NOX4: variants seen among roughly 807,000 people sequenced by gnomAD.
NOX4 encodes kidney oxidase-1.
A neutral mutation model predicts 87.6 loss-of-function variants in NOX4; 69 were observed. The ratio of observed to expected loss-of-function variants is 0.79; its 90% CI spans 0.65 to 0.96. NOX4 has a LOEUF of 0.96. NOX4 is among the 40% of genes least tolerant of loss of function. The pLI, the probability that NOX4 is intolerant of heterozygous loss-of-function variation, is 0.00. For missense variants in NOX4, 680 were observed against 681.5 expected (o/e 1.00, Z 0.02); for synonymous variants, 275 against 238.2 (o/e 1.15, Z -1.42).
chr11:89,489,722 T>C (rs568555377), intron 2 of NOX4, among the ~76,000 whole-genome samples: 66 of 100,544 alleles, frequency 6.6e-4, no homozygotes, highest in African/African-American at 1.9e-3. Flanking sequence ...AGCAAGACTC[T>C]GTCTCAAAAA....
intron 1 of NOX4, among the ~76,000 whole-genome samples, chr11:89,497,435 A>G (rs1946969575): frequency 6.6e-6 from 1 of 152,164 alleles, no homozygotes; most frequent in Non-Finnish European, 1.5e-5. Context: ...ATATATTAAG[A>G]AAATCTTAAA....
chr11:89,428,568 G>A (rs896748882), intron 7 of NOX4, among the ~76,000 whole-genome samples: 1 of 151,920 alleles, frequency 6.6e-6, no homozygotes, highest in African/African-American at 2.4e-5. Context: ...TGCAATCCTA[G>A]TCTCTGATAA....
intron 2 of NOX4, among the ~76,000 whole-genome samples, chr11:89,454,779 A>T (rs1945115941): frequency 6.6e-6 from 1 of 152,156 alleles, no homozygotes; most frequent in Non-Finnish European, 1.5e-5. Flanking sequence ...TCCAATACAG[A>T]ACAGTCGCCA....
At chr11:89,564,411 C>T in the NOX4 span, among the ~76,000 whole-genome samples, 1 of 152,070 alleles carries the variant, frequency 6.6e-6, no homozygotes, top group African/African-American at 2.4e-5. Flanking sequence ...TACTGTCTTC[C>T]CATCTCATGC....
intron 1 of NOX4, 105 bp downstream of exon 1, chr11:89,491,085 G>C (rs1946832669): frequency 1.7e-6 from 2 of 1,148,306 alleles, no homozygotes; most frequent in Non-Finnish European, 2.6e-6. Context: ...TTCGAATTAA[G>C]ACAAAACTTC....
chr11:89,375,763 G>A (rs549324969), intron 11 of NOX4, among the ~76,000 whole-genome samples: 6 of 152,254 alleles, frequency 3.9e-5, no homozygotes, highest in Non-Finnish European at 7.4e-5. Context: ...CTCTCAGAAC[G>A]CAAGATACCC....
At chr11:89,383,350 T>C (rs2135103612) in intron 11 of NOX4, among the ~76,000 whole-genome samples, 1 of 152,256 alleles carries the variant, frequency 6.6e-6, no homozygotes, top group East Asian at 1.9e-4. Flanking sequence ...CCGTTGGAAA[T>C]CAAACTGTCC....
chr11:89,380,732 T>C, intron 11 of NOX4, among the ~76,000 whole-genome samples: 1 of 152,172 alleles, frequency 6.6e-6, no homozygotes, highest in Admixed American at 6.5e-5. Flanking sequence ...TAGATGATGT[T>C]TACATCTCAA....
intron 12 of NOX4, among the ~76,000 whole-genome samples, chr11:89,358,002 T>A (rs1938202705): frequency 6.6e-6 from 1 of 152,096 alleles, no homozygotes; most frequent in South Asian, 2.1e-4. Flanking sequence ...CTATAACTAA[T>A]GTTCCTATAT....
intron 2 of NOX4, among the ~76,000 whole-genome samples, chr11:89,457,951 A>G (rs772693409): frequency 6.6e-5 from 10 of 152,258 alleles, no homozygotes; most frequent in Non-Finnish European, 1.5e-4. Flanking sequence ...ATAAATGGGA[A>G]GAATCATTAT....
In NOX4 at chr11:89,456,400, G is replaced by A. The variant is rs1320260733; in HGVS notation, c.154-4505C>T. On this transcript the variant is annotated intron_variant, in intron 2 of 17. Coordinates refer to ENST00000263317, the MANE Select transcript of NOX4 (RefSeq NM_016931.5). ...AAAGATTTAGTCTGAAAAGAAAGTA[G>A]GACAAGACCCAAGATGGCCGACTAG... Among the ~76,000 whole-genome samples the A allele has an allele frequency of 3.3e-5, 5 of 152,186 alleles. No individual in the cohort carries two copies. In the East Asian group the frequency reaches 7.7e-4, roughly 24 times the overall value.
chr11:89,425,408 C>T (rs201777684), intron 7 of NOX4, among the ~76,000 whole-genome samples: 3 of 131,058 alleles, frequency 2.3e-5, no homozygotes, highest in Admixed American at 7.4e-5. Context: ...AATTGAAATA[C>T]CAAAAAAAAA....
the NOX4 span, among the ~76,000 whole-genome samples, chr11:89,556,610 T>A: frequency 6.6e-6 from 1 of 152,070 alleles, no homozygotes; most frequent in Non-Finnish European, 1.5e-5. Flanking sequence ...GGGGAGTTAT[T>A]TGAAGAAACA....
the NOX4 span, among the ~76,000 whole-genome samples, chr11:89,554,195 T>C: frequency 6.6e-6 from 1 of 152,068 alleles, no homozygotes; most frequent in Non-Finnish European, 1.5e-5. Flanking sequence ...TCATAAAACA[T>C]GGATCTAGCG....
the NOX4 span, among the ~76,000 whole-genome samples, chr11:89,563,575 T>C: frequency 6.6e-6 from 1 of 152,200 alleles, no homozygotes; most frequent in Non-Finnish European, 1.5e-5. Flanking sequence ...CAGAAAAACA[T>C]GTTTTTTTAA....
At chr11:89,503,675 A>C in the NOX4 span, among the ~76,000 whole-genome samples, 1 of 151,446 alleles carries the variant, frequency 6.6e-6, no homozygotes, top group African/African-American at 2.4e-5. Context: ...TATTAACTTT[A>C]GACAAGTAAT....
At chr11:89,443,835 C>T (rs1944563799) in intron 5 of NOX4, 1 of 260,838 alleles carries the variant, frequency 3.8e-6, no homozygotes, top group African/African-American at 2.2e-5. Flanking sequence ...ACACTCTCAG[C>T]TGAATGATAG....
chr11:89,476,008 A>G (rs1175347182), intron 2 of NOX4, among the ~76,000 whole-genome samples: 1 of 152,146 alleles, frequency 6.6e-6, no homozygotes, highest in Non-Finnish European at 1.5e-5. Context: ...AGAAAATCCT[A>G]ATATCCTGCC....
intron 12 of NOX4, among the ~76,000 whole-genome samples, chr11:89,359,289 T>A (rs1458538419): frequency 6.6e-6 from 1 of 152,064 alleles, no homozygotes; most frequent in African/African-American, 2.4e-5. Context: ...ATTTTCTCCT[T>A]TGCAGAAAAT....
Sources: gnomAD v4.1 joint callset for allele counts (sites outside exome capture counted in the v4.1 genomes callset) on GRCh38, gnomAD v4.1.1 for gene constraint, MANE v1.5 for transcripts, NCBI Gene and HGNC (gene_info 2026-07-23, HGNC 2026-07-21) for gene names.